FRMD4B: variants seen among roughly 807,000 people sequenced by gnomAD.
FRMD4B encodes the protein FERM domain-containing protein 4B.
Under a neutral mutation model 141.5 loss-of-function variants are expected in FRMD4B, and 74 were observed. The observed-to-expected ratio is 0.52, with a 90% CI of 0.43 to 0.63. FRMD4B has a LOEUF of 0.63. Among genes scored for constraint, FRMD4B ranks in the 30% least tolerant of loss-of-function variants. The pLI, the probability that FRMD4B is intolerant of heterozygous loss-of-function variation, is 0.00. For missense variants in FRMD4B, 1,366 were observed against 1,253.4 expected, an observed-to-expected ratio of 1.09 and a Z score of -1.36; for synonymous variants, 506 against 467.9, an observed-to-expected ratio of 1.08 and a Z score of -1.05.
At chr3:69,208,548 T>C (rs2093046295) in intron 11 of FRMD4B, among the ~76,000 whole-genome samples, 1 of 152,134 alleles carries the variant, frequency 6.6e-6, no homozygotes, top group South Asian at 2.1e-4. Context: ...GCATACCCTG[T>C]TCTTTGATGA....
intron 1 of FRMD4B, among the ~76,000 whole-genome samples, chr3:69,344,173 C>G (rs574999913): frequency 6.6e-6 from 1 of 152,338 alleles, no homozygotes; most frequent in African/African-American, 2.4e-5. Flanking sequence ...CAATGTCTGA[C>G]TCCAATTAGT....
chr3:69,459,228 T>C (rs1423083486), intron 1 of FRMD4B, among the ~76,000 whole-genome samples: 2 of 152,216 alleles, frequency 1.3e-5, no homozygotes, highest in African/African-American at 2.4e-5. Flanking sequence ...AAATTATGGT[T>C]CTCTGCTTCC....
intron 1 of FRMD4B, among the ~76,000 whole-genome samples, chr3:69,345,646 C>T (rs1335541199): frequency 4.6e-5 from 7 of 152,142 alleles, no homozygotes; most frequent in South Asian, 4.1e-4. Flanking sequence ...GCCAAAGAAA[C>T]GATCAGGCAG....
At chr3:69,415,378 C>A (rs1219433294) in intron 2 of FRMD4B, among the ~76,000 whole-genome samples, 1 of 152,148 alleles carries the variant, frequency 6.6e-6, no homozygotes, top group East Asian at 1.9e-4. Context: ...CCAGTTCTTT[C>A]ATTTCAACCA....
chr3:69,221,719 C>T, intron 9 of FRMD4B, 139 bp downstream of exon 9: 2 of 637,830 alleles, frequency 3.1e-6, no homozygotes, highest in Non-Finnish European at 5.7e-6. Flanking sequence ...TGACCGAAGA[C>T]ATTTTCTAAT....
intron 19 of FRMD4B, among the ~76,000 whole-genome samples, chr3:69,183,384 G>T (rs1005953924): frequency 1.3e-5 from 2 of 151,970 alleles, no homozygotes; most frequent in African/African-American, 4.8e-5. Flanking sequence ...TTGGCCACTG[G>T]ACTGTTGTTT....
intron 1 of FRMD4B, among the ~76,000 whole-genome samples, chr3:69,482,583 G>C (rs1037932927): frequency 6.6e-6 from 1 of 152,248 alleles, no homozygotes; most frequent in African/African-American, 2.4e-5. Flanking sequence ...CCTTAAAAGA[G>C]CATGTTTCAT....
At chr3:69,307,077 G>A (rs1372484886) in intron 3 of FRMD4B, among the ~76,000 whole-genome samples, 1 of 151,892 alleles carries the variant, frequency 6.6e-6, no homozygotes, top group African/African-American at 2.4e-5. Context: ...AAATAAACAC[G>A]ACTAGAGCCA....
intron 1 of FRMD4B, among the ~76,000 whole-genome samples, chr3:69,513,145 C>A (rs1575596685): frequency 6.6e-6 from 1 of 150,920 alleles, no homozygotes; most frequent in East Asian, 1.9e-4. Context: ...AAAAAATCAA[C>A]AAATTTGATA....
chr3:69,322,231 G>A (rs1702022529), intron 1 of FRMD4B, among the ~76,000 whole-genome samples: 1 of 152,178 alleles, frequency 6.6e-6, no homozygotes, highest in African/African-American at 2.4e-5. Context: ...AGTGGATGGA[G>A]TTTTATATTT....
chr3:69,497,073 C>A (rs1706415047), intron 1 of FRMD4B, among the ~76,000 whole-genome samples: 1 of 152,026 alleles, frequency 6.6e-6, no homozygotes, highest in African/African-American at 2.4e-5. Flanking sequence ...AAAGCAATGA[C>A]ATATGCTGTA....
At chr3:69,211,536 C>A (rs776944609) in intron 11 of FRMD4B, among the ~76,000 whole-genome samples, 7 of 152,210 alleles carry the variant, frequency 4.6e-5, no homozygotes, top group Non-Finnish European at 8.8e-5. Flanking sequence ...ACAGAAAGGT[C>A]TGAAGGTCAC....
rs1429523046 is a variant in FRMD4B at position 69,245,405 on chromosome 3, TCTCTAG to T, written c.581+3815_581+3820del. On this transcript the variant is annotated intron_variant, in intron 7 of 22. Coordinates refer to ENST00000398540, the MANE Select transcript of FRMD4B (RefSeq NM_015123.3). ...CCCAGGCTGGAGTGCAGTGGAACGA[TCTCTAG>T]CTCAGTGCAAACCTCCACCTCCACC... 2.0e-5 allele frequency among the ~76,000 whole-genome samples: 3 copies of T among 151,826 alleles called. No individual in the cohort carries two copies. In the East Asian group the frequency reaches 5.8e-4, roughly 29 times the overall value.
chr3:69,277,400 C>T (rs919740136), intron 5 of FRMD4B, among the ~76,000 whole-genome samples: 4 of 151,672 alleles, frequency 2.6e-5, no homozygotes, highest in South Asian at 2.1e-4. Context: ...TAGGTTTTAT[C>T]GTGGGGCCAG....
chr3:69,386,152 G>A (rs1704248598), upstream of FRMD4B: 7 of 640,020 alleles, frequency 1.1e-5, no homozygotes, highest in South Asian at 2.5e-5. Context: ...GCCAGGCTCC[G>A]GCGGCATGCC....
chr3:69,451,107 C>T (rs543183874), intron 1 of FRMD4B, among the ~76,000 whole-genome samples: 1 of 152,308 alleles, frequency 6.6e-6, no homozygotes, highest in East Asian at 1.9e-4. Context: ...CTCAGTGCTT[C>T]CAGGAACCAG....
chr3:69,511,788 G>C lies in FRMD4B; in HGVS notation c.-129+30418C>G, dbSNP rs373568489. ...TCAGACCTGCATTTGTGGTCTGAAG[G>C]CTCTCCCTGCCTATTCTTACCCCAC... is the stretch of plus-strand genomic sequence containing the variant. On this transcript the variant is annotated intron_variant, in intron 1 of 5. Transcript: ENST00000459638. Among the ~76,000 whole-genome samples, 4 of 152,248 alleles carry C rather than the reference G, an allele frequency of 2.6e-5. No individual in the cohort carries two copies. The East Asian group carries it at 7.7e-4, about 29-fold the overall frequency.
rs188281970 is a variant in FRMD4B at position 69,329,374 on chromosome 3, G to A, written c.163-15857C>T. Among the ~76,000 whole-genome samples the A allele has an allele frequency of 2.8e-3, 426 of 152,172 alleles. 4 individuals are homozygous for A. The highest frequency in any genetic ancestry group is 9.8e-3 in the African/African-American group (407 of 41,530). On this transcript the variant is annotated intron_variant, in intron 1 of 22. Coordinates refer to ENST00000398540, the MANE Select transcript of FRMD4B (RefSeq NM_015123.3). ...ATTTTTATTTTTATGTTTTGAGACA[G>A]AGTCTCATTCCGTCACCCAGGCTGG...
chr3:69,289,877 G>C (rs936647574), intron 4 of FRMD4B, among the ~76,000 whole-genome samples: 7 of 152,048 alleles, frequency 4.6e-5, no homozygotes, highest in Non-Finnish European at 1.0e-4. Flanking sequence ...TGTAAACCAA[G>C]GAGAATTAAT....
Sources: allele counts gnomAD v4.1 joint callset (sites outside exome capture counted in the v4.1 genomes callset), GRCh38; gene constraint gnomAD v4.1.1; transcripts MANE v1.5; gene names NCBI Gene and HGNC (gene_info 2026-07-23, HGNC 2026-07-21).